Variants in TUBB3 observed in about 807,000 individuals in gnomAD.
TUBB3 encodes the protein tubulin beta 3 class III.
A neutral mutation model predicts 37.8 loss-of-function variants in TUBB3; 17 were observed. The observed-to-expected ratio is 0.45, with a 90% CI of 0.31 to 0.67. TUBB3 has a LOEUF of 0.67. Ranked by LOEUF, TUBB3 falls within the 30% of genes least tolerant of loss-of-function variation. The pLI, the probability that TUBB3 is intolerant of heterozygous loss-of-function variation, is 0.07. For missense variants in TUBB3, 262 were observed against 657.9 expected, an observed-to-expected ratio of 0.40 and a Z score of 6.58; for synonymous variants, 332 against 278.9, an observed-to-expected ratio of 1.19 and a Z score of -1.90.
Position 89,923,425 on chromosome 16 carries a change from G to T in TUBB3, c.24G>T (p.Gln8His). 6.6e-7 allele frequency: 1 copy of T among 1,513,196 alleles called. No individual in the cohort carries two copies. Among genetic ancestry groups the T allele is most frequent in the African/African-American group, 1.4e-5 (1 of 69,044 alleles). The allele number at this position is 1,513,196 out of a possible 1,614,324, so 93.7% of individuals were successfully genotyped here. A position where few individuals can be genotyped will look rare whatever the true frequency, so the allele number is the denominator to read the frequency against. The change falls in exon 1 of 4, where the codon CAG becomes CAT. Residue 8 changes from glutamine (Q) to histidine (H), a missense_variant. Gln to His is a conservative substitution (Grantham distance 24, BLOSUM62 0). Around this residue, in one of 3 missense-constraint regions of TUBB3, gnomAD observed 58 missense variants for 74.2 expected, o/e 0.78. Coordinates refer to ENST00000315491, the MANE Select transcript of TUBB3 (RefSeq NM_006086.4). ...GTATGAGGGAGATCGTGCACATCCA[G>T]GCCGGCCAGTGCGGCAACCAGATCG... Reference protein sequence around the residue: MREIVHIQAGQCGNQIGA... With the variant: MREIVHIHAGQCGNQIGA...
chr16:89,922,359 T>C (rs1006705236), upstream of TUBB3: 2 of 152,338 alleles, frequency 1.3e-5, no homozygotes, highest in African/African-American at 4.8e-5. Context: ...GTTACTGAAG[T>C]ATCAGAAGGC....
rs895031172 is a variant in TUBB3 at position 89,923,548 on chromosome 16, C to T, written c.57+90C>T. On this transcript the variant is annotated intron_variant, in intron 1 of 3. Coordinates refer to ENST00000315491, the MANE Select transcript of TUBB3 (RefSeq NM_006086.4). ...CGGGCCGCACCTCCAGCTGCCCCCG[C>T]CCCTGCGAACCTGCAACAAAGGGAT... The T allele has an allele frequency of 1.3e-5, 15 of 1,195,606 alleles. No homozygotes were observed. In the Admixed American group the frequency reaches 2.1e-4, roughly 17 times the overall value. 74.1% of individuals were successfully genotyped at this position (1,195,606 alleles called of 1,614,324 possible). A position where few individuals can be genotyped will look rare whatever the true frequency, so the allele number is the denominator to read the frequency against.
chr16:89,935,768 C>A lies in TUBB3; in HGVS notation c.1317C>A (p.Asp439Glu), dbSNP rs75950334. 1.2e-6 allele frequency: 2 copies of A among 1,613,848 alleles called. No homozygotes were observed. Among genetic ancestry groups the A allele is most frequent in the East Asian group, 4.5e-5 (2 of 44,880 alleles). Residue 439 changes from aspartate (D) to glutamate (E), a missense_variant, in exon 4 of 4, where the codon GAC becomes GAA. Physicochemically the swap from Asp to Glu is conservative, Grantham distance 45. Around this residue, in one of 3 missense-constraint regions of TUBB3, gnomAD observed 39 missense variants for 26.9 expected, o/e 1.45. Coordinates refer to ENST00000315491, the MANE Select transcript of TUBB3 (RefSeq NM_006086.4). ...AGGAAGAGGGCGAGATGTACGAAGACGACGAGGAGGAGTCGGAGGCCCAGG... is the reference window on the plus strand; with the variant it reads ...AGGAAGAGGGCGAGATGTACGAAGAAGACGAGGAGGAGTCGGAGGCCCAGG... Reference protein sequence around the residue: ...TAEEEGEMYEDDEEESEAQGP... With the variant: ...TAEEEGEMYEEDEEESEAQGP...
chr16:89,927,316 C>CAGAG (rs2030121544), intron 1 of TUBB3, among the ~76,000 whole-genome samples: 1 of 151,170 alleles, frequency 6.6e-6, no homozygotes, highest in Admixed American at 6.6e-5. Context: ...GGGAGGTGGG[C>CAGAG]AGAGGTTAAA....
chr16:89,935,836 G>C lies in TUBB3; in HGVS notation c.*32G>C. The C allele has an allele frequency of 6.2e-7, 1 of 1,600,210 alleles. No individual in the cohort carries two copies. Among genetic ancestry groups the C allele is most frequent in the Admixed American group, 1.7e-5 (1 of 58,006 alleles). ...TCGCAGCTGGAGTGAGAGGCAGGTG[G>C]CGGCCGGGGCCGAAGCCAGCAGTGT... On this transcript the variant is annotated 3_prime_UTR_variant, in exon 4 of 4. Transcript: ENST00000315491.
chr16:89,934,686 G>A (rs2030392873), intron 3 of TUBB3, 43 bp from the exon 4 acceptor site: 4 of 1,594,438 alleles, frequency 2.5e-6, no homozygotes, highest in Non-Finnish European at 3.4e-6. Context: ...CTGGACTGCA[G>A]AGTCCCTGGC....
Position 89,929,947 on chromosome 16 carries a change from G to A in TUBB3, c.58-2624G>A, listed in dbSNP as rs185144068. On this transcript the variant is annotated intron_variant, in intron 1 of 3. Coordinates refer to ENST00000315491, the MANE Select transcript of TUBB3 (RefSeq NM_006086.4). The stretch of plus-strand genomic sequence containing the variant: ...AACTCCTGACCTCAGATGATCCACT[G>A]CCTCAGCCTCCCAAAGTACTGGGAT... Among the ~76,000 whole-genome samples, 20 of 151,446 alleles carry A rather than the reference G, an allele frequency of 1.3e-4. No homozygotes were observed. The East Asian group carries it at 3.7e-3, about 28-fold the overall frequency.
Position 89,935,426 on chromosome 16 carries a change from G to A in TUBB3, c.975G>A (p.Glu325=), listed in dbSNP as rs113763477. The A allele has an allele frequency of 1.3e-5, 21 of 1,614,206 alleles. No homozygotes were observed. The African/African-American group carries it at 1.6e-4, about 12-fold the overall frequency. The change falls in exon 4 of 4, where the codon GAG becomes GAA. Residue 325 remains glutamate (E), a synonymous_variant. Transcript: ENST00000315491. ...TVFRGRMSMK[E]VDEQMLAIQS... is the part of the protein sequence containing the mutation. ...TCCGGGGCCGCATGTCCATGAAGGA[G>A]GTGGACGAGCAGATGCTGGCCATCC...
intron 3 of TUBB3, chr16:89,934,416 G>T (rs1425397635): frequency 1.8e-6 from 1 of 550,152 alleles, no homozygotes; most frequent in Admixed American, 2.2e-5. Context: ...GGCACTGCCA[G>T]TCGGAAGGAA....
chr16:89,923,427 C>T lies in TUBB3; in HGVS notation c.26C>T (p.Ala9Val). ...ATGAGGGAGATCGTGCACATCCAGG[C>T]CGGCCAGTGCGGCAACCAGATCGGG... is the stretch of plus-strand genomic sequence containing the variant. MREIVHIQAGQCGNQIGAK... is the reference protein window; with the variant it reads MREIVHIQVGQCGNQIGAK... Residue 9 changes from alanine (A) to valine (V), a missense_variant, in exon 1 of 4, where the codon GCC (alanine) becomes GTC (valine). Physicochemically the swap from Ala to Val is moderately conservative, Grantham distance 64. This residue lies in a region of TUBB3 where 58 missense variants were observed against 74.2 expected (regional missense o/e 0.78). Coordinates refer to ENST00000315491, the MANE Select transcript of TUBB3 (RefSeq NM_006086.4). 1.3e-6 allele frequency: 2 copies of T among 1,512,956 alleles called. No homozygotes were observed. The highest frequency in any genetic ancestry group is 1.8e-6 in the Non-Finnish European group (2 of 1,130,254). 93.7% of individuals were successfully genotyped at this position (1,512,956 alleles called of 1,614,324 possible).
At chr16:89,931,797 G>C (rs985499678) in intron 1 of TUBB3, 1 of 353,336 alleles carries the variant, frequency 2.8e-6, no homozygotes, top group Non-Finnish European at 5.9e-6. Flanking sequence ...GCTCCGCTCG[G>C]CAGCTGTCAT....
rs117073146 is a variant in TUBB3, at chr16:89,931,206, C to T, written c.58-1365C>T. Among the ~76,000 whole-genome samples, 9 of 152,330 alleles carry T rather than the reference C, an allele frequency of 5.9e-5. No individual in the cohort carries two copies. In the East Asian group the frequency reaches 1.3e-3, roughly 23 times the overall value. The stretch of plus-strand genomic sequence containing the variant: ...TGTCTACACTCCTGGGGTCCTCCCA[C>T]GTCAGCCTCCCAAAGTGCTGGGATT... On this transcript the variant is annotated intron_variant, in intron 1 of 3. Coordinates refer to ENST00000315491, the MANE Select transcript of TUBB3 (RefSeq NM_006086.4).
upstream of TUBB3, chr16:89,923,323 G>T (rs2029950948): frequency 2.4e-6 from 3 of 1,240,650 alleles, no homozygotes; most frequent in Non-Finnish European, 3.1e-6. Context: ...ATAAGAGCGC[G>T]CGGCCGCGGT....
Position 89,933,452 on chromosome 16 carries a change from C to G in TUBB3, c.167-16C>G. 2 of 1,603,186 alleles carry G rather than the reference C, an allele frequency of 1.2e-6. No individual in the cohort carries two copies. The highest frequency in any genetic ancestry group is 2.2e-5 in the East Asian group (1 of 44,834). On this transcript the variant is annotated splice_polypyrimidine_tract_variant and intron_variant, in intron 2 of 3. Coordinates refer to ENST00000315491, the MANE Select transcript of TUBB3 (RefSeq NM_006086.4). ...CCCTCTGTGACCCGAATCACCGAGCCCCTCTCTCCCCTCAGCTCACAAGTA... is the reference window on the plus strand; with the variant it reads ...CCCTCTGTGACCCGAATCACCGAGCGCCTCTCTCCCCTCAGCTCACAAGTA...
intron 1 of TUBB3, among the ~76,000 whole-genome samples, chr16:89,924,263 G>A (rs541805673): frequency 2.6e-4 from 39 of 152,340 alleles, no homozygotes; most frequent in African/African-American, 7.9e-4. Flanking sequence ...AGGGACCCCT[G>A]CCTAAATCAT....
Position 89,923,460 on chromosome 16 carries a change from T to G in TUBB3, c.57+2T>G. 6.7e-7 allele frequency: 1 copy of G among 1,492,706 alleles called. No homozygotes were observed. The highest frequency in any genetic ancestry group is 8.9e-7 in the Non-Finnish European group (1 of 1,120,090). The allele number at this position is 1,492,706 out of a possible 1,614,324, so 92.5% of individuals were successfully genotyped here. On this transcript the variant is annotated splice_donor_variant, in intron 1 of 3. Coordinates refer to ENST00000315491, the MANE Select transcript of TUBB3 (RefSeq NM_006086.4). LOFTEE classifies it high-confidence loss of function. The stretch of plus-strand genomic sequence containing the variant: ...TGCGGCAACCAGATCGGGGCCAAGG[T>G]GAGGCTGCGCGCCCCGGCCTGTCCC...
intron 1 of TUBB3, among the ~76,000 whole-genome samples, chr16:89,929,431 G>A (rs571908683): frequency 2.6e-4 from 40 of 152,326 alleles, no homozygotes; most frequent in South Asian, 2.3e-3. Flanking sequence ...CAGGGTGAAC[G>A]GGCATCCCGA....
intron 1 of TUBB3, among the ~76,000 whole-genome samples, chr16:89,925,311 G>A (rs1248252913): frequency 6.6e-6 from 1 of 152,004 alleles, no homozygotes; most frequent in African/African-American, 2.4e-5. Flanking sequence ...ACCTGGCCGG[G>A]CACGGTGGAT....
chr16:89,928,762 G>C (rs915008641), intron 1 of TUBB3, among the ~76,000 whole-genome samples: 1 of 151,984 alleles, frequency 6.6e-6, no homozygotes, highest in African/African-American at 2.4e-5. Flanking sequence ...CTGACCTCAT[G>C]ATCCGCCCAC....
Sources: allele counts gnomAD v4.1 joint callset (sites outside exome capture counted in the v4.1 genomes callset), GRCh38; gene constraint gnomAD v4.1.1; regional missense constraint gnomAD v4.1.1; transcripts MANE v1.5; gene names NCBI Gene and HGNC (gene_info 2026-07-23, HGNC 2026-07-21).